Variants in KCNQ1 observed in about 807,000 individuals in gnomAD.
KCNQ1 encodes the protein potassium voltage-gated channel subfamily KQT member 1.
KCNQ1 carries 49 observed loss-of-function variants against 72.4 expected under a neutral mutation model. The observed-to-expected ratio is 0.68, with a 90% CI of 0.54 to 0.86. The LOEUF is 0.86. Ranked by LOEUF, KCNQ1 falls within the 40% of genes least tolerant of loss-of-function variation. The probability of loss-of-function intolerance (pLI) is 0.00; values close to 1 mark genes in which losing one functional copy is unlikely to be tolerated. For missense variants in KCNQ1, 790 were observed against 945.1 expected, an observed-to-expected ratio of 0.84 and a Z score of 2.15; for synonymous variants, 450 against 412.6, an observed-to-expected ratio of 1.09 and a Z score of -1.10.
intron 15 of KCNQ1, among the ~76,000 whole-genome samples, chr11:2,814,415 T>C (rs561053931): frequency 6.8e-6 from 1 of 146,936 alleles, no homozygotes; most frequent in Non-Finnish European, 1.5e-5. Flanking sequence ...GGATGGTGGG[T>C]GGGTGGATGG....
chr11:2,722,990 G>T (rs1392723398), intron 11 of KCNQ1, among the ~76,000 whole-genome samples: 1 of 152,208 alleles, frequency 6.6e-6, no homozygotes, highest in Non-Finnish European at 1.5e-5. Context: ...GGTGCCTCGG[G>T]GCAGGCTCAC....
intron 15 of KCNQ1, among the ~76,000 whole-genome samples, chr11:2,793,660 A>G (rs1467062247): frequency 6.6e-6 from 1 of 152,018 alleles, no homozygotes; most frequent in Non-Finnish European, 1.5e-5. Flanking sequence ...TTTTTAACTG[A>G]GGCCCTTCTG....
chr11:2,671,019 C>G lies in KCNQ1; in HGVS notation c.1514+8938C>G, dbSNP rs231360. ...GATATGTGGGCCCTGTTAGGGACAA[C>G]GTAGGTGTCCTGGGCAGGGGCTGTA... On this transcript the variant is annotated intron_variant, in intron 11 of 15. Transcript: ENST00000155840. The surrounding 1 kb of genome is among the most constrained non-coding windows in gnomAD (Gnocchi z 4.7). The G allele has an allele frequency of 2.5e-6, 1 of 398,242 alleles. No homozygotes were observed. Among genetic ancestry groups the G allele is most frequent in the African/African-American group, 2.1e-5 (1 of 48,516 alleles). The allele number at this position is 398,242 out of a possible 1,614,324, so 24.7% of individuals were successfully genotyped here. A position where few individuals can be genotyped will look rare whatever the true frequency, so the allele number is the denominator to read the frequency against.
At chr11:2,700,881 A>G (rs1402885679) in intron 11 of KCNQ1, among the ~76,000 whole-genome samples, 1 of 151,568 alleles carries the variant, frequency 6.6e-6, no homozygotes, top group Non-Finnish European at 1.5e-5. Flanking sequence ...AAGCATTGCC[A>G]TAAACTCCGG....
rs1316572003 is a variant in KCNQ1 at position 2,817,554 on chromosome 11, C to T, written c.1795-30213C>T. 6.6e-6 allele frequency among the ~76,000 whole-genome samples: 1 copy of T among 152,142 alleles called. No homozygotes were observed. The highest frequency in any genetic ancestry group is 1.5e-5 in the Non-Finnish European group (1 of 68,028). On this transcript the variant is annotated intron_variant, in intron 15 of 15. Coordinates refer to ENST00000155840, the MANE Select transcript of KCNQ1 (RefSeq NM_000218.3). The surrounding 1 kb of genome is among the most constrained non-coding windows in gnomAD (Gnocchi z 6.1). ...GGTTCCCCAATTTTGGTTCATGGTA[C>T]CTGAGATGACGGCTTCAGATGATGT... is the stretch of plus-strand genomic sequence containing the variant.
At chr11:2,662,433 T>A (rs1849978284) in intron 11 of KCNQ1, 1 of 267,890 alleles carries the variant, frequency 3.7e-6, no homozygotes, top group Non-Finnish European at 7.3e-6. Context: ...CATTTCCCCA[T>A]GGAACCCTGG....
chr11:2,528,693 C>G (rs1216831193), intron 2 of KCNQ1, among the ~76,000 whole-genome samples: 2 of 152,230 alleles, frequency 1.3e-5, no homozygotes, highest in Non-Finnish European at 2.9e-5. Context: ...TAGCACCTCT[C>G]CGTGGCCAGG....
chr11:2,830,806 C>T lies in KCNQ1; in HGVS notation c.1795-16961C>T, dbSNP rs764089280. Among the ~76,000 whole-genome samples the T allele has an allele frequency of 3.3e-5, 5 of 152,242 alleles. No homozygotes were observed. The highest frequency in any genetic ancestry group is 6.5e-5 in the Admixed American group (1 of 15,292). ...CCACAGAGCCACACACCTGGGCCTT[C>T]CCCTCTCCCCATCATCAGGTAACCC... On this transcript the variant is annotated intron_variant, in intron 15 of 15. Transcript: ENST00000155840. The surrounding 1 kb of genome is among the most constrained non-coding windows in gnomAD (Gnocchi z 7.7).
rs1849871023 is a variant in KCNQ1, at chr11:2,657,514, CAA to C, written c.1394-4443_1394-4442del. ...ACATTTTTTATTTACAGAAGAGAAA[CAA>C]AAATAGTACCGAGTACCCACATCCC... On this transcript the variant is annotated intron_variant, in intron 10 of 15. Coordinates refer to ENST00000155840, the MANE Select transcript of KCNQ1 (RefSeq NM_000218.3). This position sits in a 1 kb window ranked among gnomAD's most constrained non-coding sequence, Gnocchi z 4.8. 5.0e-6 allele frequency: 2 copies of C among 398,360 alleles called. No individual in the cohort carries two copies. Among genetic ancestry groups the C allele is most frequent in the Non-Finnish European group, 8.8e-6 (2 of 226,036 alleles). 24.7% of individuals were successfully genotyped at this position (398,360 alleles called of 1,614,324 possible).
chr11:2,604,936 C>G (rs1235176193), intron 10 of KCNQ1, among the ~76,000 whole-genome samples: 2 of 152,208 alleles, frequency 1.3e-5, no homozygotes, highest in African/African-American at 4.8e-5. Flanking sequence ...TGCGCAAGTT[C>G]TCCATATCCT....
chr11:2,821,254 C>G (rs1410779890), intron 15 of KCNQ1, among the ~76,000 whole-genome samples: 2 of 152,240 alleles, frequency 1.3e-5, no homozygotes, highest in African/African-American at 4.8e-5. Context: ...AGCTGTGTGA[C>G]TCCAGGTGCA....
chr11:2,744,841 G>A (rs1448362445), intron 11 of KCNQ1, among the ~76,000 whole-genome samples: 1 of 152,132 alleles, frequency 6.6e-6, no homozygotes, highest in African/African-American at 2.4e-5. Context: ...GAAGAATCCA[G>A]ATTCCTTTTC....
chr11:2,540,027 C>A (rs992010996), intron 2 of KCNQ1, among the ~76,000 whole-genome samples: 1 of 152,182 alleles, frequency 6.6e-6, no homozygotes, highest in African/African-American at 2.4e-5. Flanking sequence ...GGGGAGCTGG[C>A]ACTGGCACTG....
chr11:2,445,580 G>GCGAC, intron 1 of KCNQ1, 96 bp downstream of exon 1: 1 of 1,407,224 alleles, frequency 7.1e-7, no homozygotes, highest in South Asian at 1.2e-5. Context: ...CGTCGGAGCT[G>GCGAC]CGACCCCGGA....
intron 3 of KCNQ1, 63 bp from the exon 4 acceptor site, chr11:2,571,262 G>A (rs960924092): frequency 2.9e-6 from 4 of 1,358,988 alleles, no homozygotes; most frequent in Non-Finnish European, 3.2e-6. Flanking sequence ...CAGGGTGTAT[G>A]CTCTTCCCTG....
At position 2,543,471 on chromosome 11, in the gene KCNQ1, A is replaced by C. The variant is rs538967035; in HGVS notation, c.477+15453A>C. 6.6e-6 allele frequency among the ~76,000 whole-genome samples: 1 copy of C among 152,206 alleles called. No individual in the cohort carries two copies. The highest frequency in any genetic ancestry group is 1.9e-4 in the East Asian group (1 of 5,186). On this transcript the variant is annotated intron_variant, in intron 2 of 15. Coordinates refer to ENST00000155840, the MANE Select transcript of KCNQ1 (RefSeq NM_000218.3). The surrounding 1 kb of genome is among the most constrained non-coding windows in gnomAD (Gnocchi z 5.6). ...AAAGTTCTTGTACAGACAGGGTCTCACTTTGTTGCCCAGGCTGGTGTCAAA... is the reference window on the plus strand; with the variant it reads ...AAAGTTCTTGTACAGACAGGGTCTCCCTTTGTTGCCCAGGCTGGTGTCAAA...
At chr11:2,791,195 C>T (rs1488486185) in intron 15 of KCNQ1, among the ~76,000 whole-genome samples, 2 of 152,236 alleles carry the variant, frequency 1.3e-5, no homozygotes. Context: ...GCGGCAGGGG[C>T]GTGTCAGGTG....
In KCNQ1 at chr11:2,704,770, T is replaced by C. The variant is rs894126969; in HGVS notation, c.1514+42689T>C. 6.6e-6 allele frequency among the ~76,000 whole-genome samples: 1 copy of C among 152,198 alleles called. No homozygotes were observed. The highest frequency in any genetic ancestry group is 1.5e-5 in the Non-Finnish European group (1 of 68,030). ...CAGGCGGCAACTTTGTCTAGACTTC[T>C]GGCTGAGGACAGGGAGGAGCTTAAG... is the stretch of plus-strand genomic sequence containing the variant. On this transcript the variant is annotated intron_variant, in intron 11 of 15. Coordinates refer to ENST00000155840, the MANE Select transcript of KCNQ1 (RefSeq NM_000218.3). This position sits in a 1 kb window ranked among gnomAD's most constrained non-coding sequence, Gnocchi z 4.3.
chr11:2,794,775 C>G (rs1376186600), intron 15 of KCNQ1, among the ~76,000 whole-genome samples: 1 of 152,174 alleles, frequency 6.6e-6, no homozygotes, highest in Non-Finnish European at 1.5e-5. Flanking sequence ...CCATCTCCCA[C>G]TTTCAGCTTC....
Sources: allele counts gnomAD v4.1 joint callset (sites outside exome capture counted in the v4.1 genomes callset), GRCh38; gene constraint gnomAD v4.1.1; non-coding constraint Gnocchi (gnomAD v3.1); transcripts MANE v1.5; gene names NCBI Gene and HGNC (gene_info 2026-07-23, HGNC 2026-07-21).